ADGRL3: variants seen among roughly 807,000 people sequenced by gnomAD.
ADGRL3 encodes adhesion G protein-coupled receptor L3.
ADGRL3 carries 62 observed loss-of-function variants against 153.5 expected under a neutral mutation model. That is an observed-to-expected ratio of 0.40 (90% CI 0.33 to 0.50). ADGRL3 has a LOEUF of 0.50. ADGRL3 is among the 20% of genes least tolerant of loss of function. ADGRL3 has a pLI of 0.47. For synonymous variants in ADGRL3, 710 were observed against 672.5 expected, an observed-to-expected ratio of 1.06 and a Z score of -0.86; for missense variants, 1,641 against 1,859.4, an observed-to-expected ratio of 0.88 and a Z score of 2.16.
At chr4:61,784,792 T>C (rs897810488) in intron 8 of ADGRL3, among the ~76,000 whole-genome samples, 1 of 152,046 alleles carries the variant, frequency 6.6e-6, no homozygotes, top group African/African-American at 2.4e-5. Flanking sequence ...TATAATCCAA[T>C]AGACGAAAGG....
intron 21 of ADGRL3, among the ~76,000 whole-genome samples, chr4:62,007,136 T>C (rs2099161954): frequency 6.6e-6 from 1 of 151,482 alleles, no homozygotes; most frequent in Non-Finnish European, 1.5e-5. Flanking sequence ...AAAGAAGAGA[T>C]AAGAGAAGGG....
intron 2 of ADGRL3, among the ~76,000 whole-genome samples, chr4:61,467,333 T>TTC (rs1278708968): frequency 1.3e-5 from 2 of 152,158 alleles, no homozygotes; most frequent in African/African-American, 2.4e-5. Context: ...TCACGTTCTA[T>TTC]TCTTGGAATT....
intron 9 of ADGRL3, among the ~76,000 whole-genome samples, chr4:61,825,055 A>C (rs575635278): frequency 6.6e-6 from 1 of 152,286 alleles, no homozygotes; most frequent in South Asian, 2.1e-4. Context: ...CAATGCCAAG[A>C]AGCACTTTTC....
chr4:61,955,630 T>A (rs2098963207), intron 17 of ADGRL3, among the ~76,000 whole-genome samples: 1 of 152,104 alleles, frequency 6.6e-6, no homozygotes, highest in South Asian at 2.1e-4. Context: ...ATAGGTATAT[T>A]TGTGCCATGG....
intron 25 of ADGRL3, among the ~76,000 whole-genome samples, chr4:62,047,503 CTTG>C (rs1731750777): frequency 6.6e-6 from 1 of 151,872 alleles, no homozygotes; most frequent in South Asian, 2.1e-4. Context: ...CTTGAATCAG[CTTG>C]TTGTATCATA....
At chr4:61,925,493 G>A (rs1248425473) in intron 13 of ADGRL3, among the ~76,000 whole-genome samples, 1 of 152,132 alleles carries the variant, frequency 6.6e-6, no homozygotes, top group East Asian at 1.9e-4. Context: ...AAGAAAAGAG[G>A]TTTAATTTGC....
At chr4:61,889,593 A>G (rs1356780430) in intron 9 of ADGRL3, among the ~76,000 whole-genome samples, 1 of 152,252 alleles carries the variant, frequency 6.6e-6, no homozygotes, top group East Asian at 1.9e-4. Context: ...GAAAAAAAAT[A>G]AAGAACATTA....
At chr4:61,563,098 G>A (rs1354848809) in intron 4 of ADGRL3, among the ~76,000 whole-genome samples, 4 of 151,972 alleles carry the variant, frequency 2.6e-5, no homozygotes, top group Non-Finnish European at 5.9e-5. Context: ...CTTATAAAAT[G>A]TATTTTTAAA....
Position 62,000,925 on chromosome 4 carries a change from G to T in ADGRL3, c.3395+2660G>T, listed in dbSNP as rs1397832860. Among the ~76,000 whole-genome samples, 3 of 151,906 alleles carry T rather than the reference G, an allele frequency of 2.0e-5. No homozygotes were observed. In the South Asian group the frequency reaches 6.2e-4, roughly 32 times the overall value. ...GCATCCTTAGCAGCTGGAACCAGAG[G>T]CATGCACCATCACACCTGGCTAATT... On this transcript the variant is annotated intron_variant, in intron 21 of 26. Coordinates refer to ENST00000683033, the MANE Select transcript of ADGRL3 (RefSeq NM_001387552.1).
intron 9 of ADGRL3, among the ~76,000 whole-genome samples, chr4:61,868,134 G>T (rs1201269860): frequency 2.0e-5 from 3 of 151,972 alleles, no homozygotes; most frequent in African/African-American, 7.3e-5. Context: ...GTTTTCTTTT[G>T]TTTGACAATA....
intron 8 of ADGRL3, among the ~76,000 whole-genome samples, chr4:61,811,310 T>G (rs1247392777): frequency 6.6e-6 from 1 of 151,860 alleles, no homozygotes; most frequent in Admixed American, 6.6e-5. Context: ...AGGAGTAAAG[T>G]ACTGCTTTGT....
chr4:61,332,825 A>G (rs1036800872), intron 1 of ADGRL3, among the ~76,000 whole-genome samples: 3 of 151,910 alleles, frequency 2.0e-5, no homozygotes, highest in Admixed American at 6.6e-5. Flanking sequence ...CTTGAAAAAA[A>G]TGCACTTATA....
chr4:61,206,270 A>G (rs1343557896), intron 1 of ADGRL3, among the ~76,000 whole-genome samples: 1 of 152,232 alleles, frequency 6.6e-6, no homozygotes, highest in Non-Finnish European at 1.5e-5. Flanking sequence ...AAGAATTTAA[A>G]TGGAATATTG....
At chr4:61,634,913 G>A (rs528360500) in intron 5 of ADGRL3, among the ~76,000 whole-genome samples, 1 of 152,232 alleles carries the variant, frequency 6.6e-6, no homozygotes, top group East Asian at 1.9e-4. Flanking sequence ...AAATCTGCAA[G>A]AGCCCTATTT....
intron 1 of ADGRL3, among the ~76,000 whole-genome samples, chr4:61,333,904 C>G (rs1020089239): frequency 2.4e-4 from 36 of 149,442 alleles, no homozygotes; most frequent in Non-Finnish European, 1.5e-4. Flanking sequence ...GCATGAGCCA[C>G]TGTGCCCTGC....
At chr4:61,377,298 A>G (rs970924113) in intron 1 of ADGRL3, among the ~76,000 whole-genome samples, 1 of 152,032 alleles carries the variant, frequency 6.6e-6, no homozygotes, top group Non-Finnish European at 1.5e-5. Context: ...CATCAATTAT[A>G]ATGTATTTTA....
At chr4:61,981,018 C>T (rs2099066470) in intron 18 of ADGRL3, among the ~76,000 whole-genome samples, 1 of 152,110 alleles carries the variant, frequency 6.6e-6, no homozygotes, top group Non-Finnish European at 1.5e-5. Flanking sequence ...TTGTGGATCA[C>T]ATGGTAAGAG....
intron 23 of ADGRL3, among the ~76,000 whole-genome samples, chr4:62,032,883 A>G (rs72640030): frequency 0.015 from 2,208 of 151,836 alleles, 24 homozygotes; most frequent in South Asian, 0.046. Context: ...TACAGAAAAG[A>G]AAAGAGGTTA....
At chr4:61,380,175 A>G (rs928624811) in intron 1 of ADGRL3, among the ~76,000 whole-genome samples, 1 of 152,030 alleles carries the variant, frequency 6.6e-6, no homozygotes, top group African/African-American at 2.4e-5. Flanking sequence ...ATGTATATGT[A>G]TAGACACAGA....
Sources: gnomAD v4.1 joint callset for allele counts (sites outside exome capture counted in the v4.1 genomes callset) on GRCh38, gnomAD v4.1.1 for gene constraint, MANE v1.5 for transcripts, NCBI Gene and HGNC (gene_info 2026-07-23, HGNC 2026-07-21) for gene names.